CA10: variants seen among roughly 807,000 people sequenced by gnomAD.
The protein encoded by CA10 is carbonic anhydrase 10 (inactive), also known as carbonic anhydrase-related protein 10.
CA10 carries 14 observed loss-of-function variants against 44.2 expected under a neutral mutation model. The ratio of observed to expected loss-of-function variants is 0.32; its 90% CI spans 0.21 to 0.50. The LOEUF is 0.50. Among genes scored for constraint, CA10 ranks in the 20% least tolerant of loss-of-function variants. CA10 has a pLI of 0.99. For synonymous variants in CA10, 159 were observed against 141.6 expected (o/e 1.12, Z -0.87); for missense variants, 350 against 409.7 (o/e 0.85, Z 1.26).
intron 4 of CA10, among the ~76,000 whole-genome samples, chr17:51,708,634 C>T (rs1171452975): frequency 1.3e-5 from 2 of 152,036 alleles, no homozygotes; most frequent in Non-Finnish European, 2.9e-5. Flanking sequence ...AGGGTGTTGC[C>T]AAAGGAGATT....
At chr17:51,991,115 T>C (rs1985023760) in intron 2 of CA10, among the ~76,000 whole-genome samples, 1 of 152,144 alleles carries the variant, frequency 6.6e-6, no homozygotes, top group South Asian at 2.1e-4. Context: ...ATCTGTAATT[T>C]GGCATTTTGA....
intron 3 of CA10, among the ~76,000 whole-genome samples, chr17:51,792,973 A>C (rs1266528238): frequency 6.6e-6 from 1 of 152,228 alleles, no homozygotes; most frequent in East Asian, 1.9e-4. Context: ...ATTTAATGCA[A>C]GAGCAAAGAA....
At chr17:51,919,838 G>C (rs368878115) in intron 3 of CA10, among the ~76,000 whole-genome samples, 21 of 152,246 alleles carry the variant, frequency 1.4e-4, no homozygotes, top group African/African-American at 3.9e-4. Flanking sequence ...TTTTTTAGTA[G>C]AGACGGGGTT....
At chr17:52,042,164 A>G (rs1006250949) in intron 2 of CA10, among the ~76,000 whole-genome samples, 6 of 152,032 alleles carry the variant, frequency 3.9e-5, no homozygotes, top group African/African-American at 1.4e-4. Context: ...TTTTTGAGGA[A>G]TATCCATACT....
intron 4 of CA10, 22 bp downstream of exon 4, chr17:51,747,611 G>T: frequency 1.3e-6 from 2 of 1,588,752 alleles, no homozygotes; most frequent in Non-Finnish European, 1.7e-6. Context: ...TTTAACCTTA[G>T]TACTTTGACA....
intron 2 of CA10, among the ~76,000 whole-genome samples, chr17:52,059,730 TAC>T (rs1987330561): frequency 6.6e-6 from 1 of 152,090 alleles, no homozygotes. Context: ...AATATGACCT[TAC>T]ACAGTTAATG....
chr17:52,036,917 C>G (rs1409943044), intron 2 of CA10, among the ~76,000 whole-genome samples: 1 of 152,092 alleles, frequency 6.6e-6, no homozygotes, highest in Non-Finnish European at 1.5e-5. Context: ...GCAGGTGGAG[C>G]TACTGAGGCG....
intron 6 of CA10, among the ~76,000 whole-genome samples, chr17:51,647,168 T>C (rs1217462630): frequency 6.6e-6 from 1 of 152,132 alleles, no homozygotes; most frequent in Non-Finnish European, 1.5e-5. Context: ...CACCTTAACA[T>C]GGCTCAAGAT....
At chr17:51,675,897 A>G (rs371992926) in intron 4 of CA10, among the ~76,000 whole-genome samples, 3 of 152,152 alleles carry the variant, frequency 2.0e-5, no homozygotes, top group African/African-American at 7.2e-5. Flanking sequence ...CATGCAAGAC[A>G]TTTGCATGTG....
chr17:51,886,100 C>T lies in CA10; in HGVS notation c.279+44890G>A, dbSNP rs73346551. 1.2e-3 allele frequency among the ~76,000 whole-genome samples: 184 copies of T among 152,248 alleles called. 3 individuals carry two copies. In the South Asian group the frequency reaches 0.022, roughly 18 times the overall value. On this transcript the variant is annotated intron_variant, in intron 3 of 8. Transcript: ENST00000451037. ...GGACAAAAAACTGGACTTAAGCTGT[C>T]TAATAGCTAATGCCCATCCAGTAAG...
At chr17:51,654,852 G>A (rs184335796) in intron 4 of CA10, among the ~76,000 whole-genome samples, 253 of 152,100 alleles carry the variant, frequency 1.7e-3, no homozygotes, top group African/African-American at 5.9e-3. Context: ...CACTGCGCCC[G>A]GCCAGAAGCA....
At chr17:52,104,710 G>A (rs528384671) in intron 1 of CA10, among the ~76,000 whole-genome samples, 92 of 152,268 alleles carry the variant, frequency 6.0e-4, no homozygotes, top group African/African-American at 2.1e-3. Context: ...GTGAAGCACT[G>A]AGGGTACTGA....
rs554262118 is a variant in CA10 at position 52,095,777 on chromosome 17, C to A, written c.62-23384G>T. Among the ~76,000 whole-genome samples, 15 of 152,272 alleles carry A rather than the reference C, an allele frequency of 9.9e-5. No individual in the cohort carries two copies. In the South Asian group the frequency reaches 2.7e-3, roughly 27 times the overall value. ...ACTTTCATTCTCTCTTTCTGCTCCT[C>A]ACTCCCCAAACTCCAGCCTCACTTC... On this transcript the variant is annotated intron_variant, in intron 1 of 8. Transcript: ENST00000451037.
intron 3 of CA10, among the ~76,000 whole-genome samples, chr17:51,766,115 A>C (rs139233102): frequency 6.6e-6 from 1 of 152,310 alleles, no homozygotes; most frequent in Non-Finnish European, 1.5e-5. Flanking sequence ...AGAAAAAACC[A>C]GGCACTTGGT....
intron 2 of CA10, among the ~76,000 whole-genome samples, chr17:51,986,839 T>C (rs1984855645): frequency 6.6e-6 from 1 of 151,696 alleles, no homozygotes; most frequent in African/African-American, 2.4e-5. Context: ...ATGGCCATAA[T>C]CAAAAAATGA....
chr17:51,694,204 C>T (rs556625615), intron 4 of CA10, among the ~76,000 whole-genome samples: 4 of 147,726 alleles, frequency 2.7e-5, no homozygotes, highest in East Asian at 2.0e-4. Flanking sequence ...AACTCCGTCT[C>T]GGAAAAAAAA....
At chr17:51,939,535 G>A (rs142741223) in intron 2 of CA10, among the ~76,000 whole-genome samples, 2 of 152,040 alleles carry the variant, frequency 1.3e-5, no homozygotes, top group South Asian at 2.1e-4. Context: ...CTCTCCTATC[G>A]GCAATGTGTG....
chr17:51,877,776 CA>C (rs1223197146), intron 3 of CA10, among the ~76,000 whole-genome samples: 2 of 151,968 alleles, frequency 1.3e-5, no homozygotes, highest in African/African-American at 4.8e-5. Context: ...TTTCATTAAC[CA>C]GCAACTTTTT....
intron 3 of CA10, among the ~76,000 whole-genome samples, chr17:51,832,655 C>T (rs112740901): frequency 1.3e-5 from 2 of 152,134 alleles, no homozygotes; most frequent in African/African-American, 4.8e-5. Context: ...TGATGACCAT[C>T]GAGGATTTAT....
Sources: gnomAD v4.1 joint callset for allele counts (sites outside exome capture counted in the v4.1 genomes callset) on GRCh38, gnomAD v4.1.1 for gene constraint, MANE v1.5 for transcripts, NCBI Gene and HGNC (gene_info 2026-07-23, HGNC 2026-07-21) for gene names.